TRANK1: variants seen among roughly 807,000 people sequenced by gnomAD.
The protein encoded by TRANK1 is TPR and ankyrin repeat-containing protein 1.
In TRANK1, 198 loss-of-function variants were observed where a neutral mutation model predicts 266.0. That is an observed-to-expected ratio of 0.74 (90% CI 0.66 to 0.84). TRANK1 has a LOEUF of 0.84. Among genes scored for constraint, TRANK1 ranks in the 40% least tolerant of loss-of-function variants. TRANK1 has a pLI of 0.00. For synonymous variants in TRANK1, 1,396 were observed against 1,384.1 expected, an observed-to-expected ratio of 1.01 and a Z score of -0.19; for missense variants, 3,326 against 3,634.6, an observed-to-expected ratio of 0.92 and a Z score of 2.18.
At chr3:36,858,945 G>C in intron 11 of TRANK1, 51 bp from the exon 12 acceptor site, 1 of 1,457,556 alleles carries the variant, frequency 6.9e-7, no homozygotes, top group Non-Finnish European at 9.1e-7. Flanking sequence ...AGCCTGGCTC[G>C]CCTGACGAGA....
rs553671122 is a variant in TRANK1, at chr3:36,913,186, C to T, written c.24-4732G>A. 5.4e-4 allele frequency among the ~76,000 whole-genome samples: 82 copies of T among 152,098 alleles called. 1 individual carries two copies. Among genetic ancestry groups the T allele is most frequent in the African/African-American group, 1.9e-3 (78 of 41,514 alleles). On this transcript the variant is annotated intron_variant, in intron 1 of 23. Transcript: ENST00000645898. ...CTTCCTGAGTAGCTGGGATTACAGG[C>T]GTGCGCCCTGTAATCCCACCATGCC... is the stretch of plus-strand genomic sequence containing the variant.
At position 36,857,195 on chromosome 3, in the gene TRANK1, G is replaced by A. The variant is rs1453488310; in HGVS notation, c.2527C>T (p.Leu843=). ...ATTACCTTACTAGACAGCTTCTTCAGCATTTCTGAAGTGCACTCGATCTCC... is the reference window on the plus strand; with the variant it reads ...ATTACCTTACTAGACAGCTTCTTCAACATTTCTGAAGTGCACTCGATCTCC... ...TWEIECTSEM[L]KKLSSKVMTK... is the part of the protein sequence containing the mutation. Residue 843 remains leucine (L), a synonymous_variant, in exon 13 of 24, where the codon CTG becomes TTG. Transcript: ENST00000645898. This position sits in a 1 kb window ranked among gnomAD's most constrained non-coding sequence, Gnocchi z 4.3. 6.2e-7 allele frequency: 1 copy of A among 1,613,866 alleles called. No homozygotes were observed. Among genetic ancestry groups the A allele is most frequent in the Admixed American group, 1.7e-5 (1 of 60,028 alleles).
At position 36,832,890 on chromosome 3, in the gene TRANK1, G is replaced by C. The variant is rs755167140; in HGVS notation, c.6693C>G (p.Ile2231Met). ...TTTTGGCTTCCAAAAGCAACCCGTT[G>C]ATTGCCACCAAGTTCATTTTCGACT... is the stretch of plus-strand genomic sequence containing the variant. ...LVQSKMNLVA[I>M]NGLLLEAKKV... The change falls in exon 22 of 24, where the codon ATC becomes ATG. Residue 2231 changes from isoleucine to methionine, a missense_variant. Coordinates refer to ENST00000645898, the MANE Select transcript of TRANK1 (RefSeq NM_001329998.2). 1.4e-5 allele frequency: 23 copies of C among 1,613,716 alleles called. No individual in the cohort carries two copies. The highest frequency in any genetic ancestry group is 1.7e-6 in the Non-Finnish European group (2 of 1,179,818).
chr3:36,882,791 CA>C (rs1406283193), intron 8 of TRANK1, among the ~76,000 whole-genome samples: 1 of 151,872 alleles, frequency 6.6e-6, no homozygotes, highest in Non-Finnish European at 1.5e-5. Context: ...GACAAAGGAC[CA>C]AAAACCATAA....
At chr3:36,900,874 A>AAAAAAAAAAAAAAAAAAAAAAAAAAAC in intron 3 of TRANK1, among the ~76,000 whole-genome samples, 1 of 140,872 alleles carries the variant, frequency 7.1e-6, no homozygotes, top group Non-Finnish European at 1.5e-5. Context: ...AAAAAAAAAA[A>AAAAAAAAAAAAAAAAAAAAAAAAAAAC]AAGATAACAG....
intron 15 of TRANK1, chr3:36,849,970 C>T (rs1209132190): frequency 3.1e-6 from 3 of 966,756 alleles, no homozygotes; most frequent in Non-Finnish European, 3.7e-6. Flanking sequence ...GGTGGGAGCA[C>T]CGGGTCAAGA....
chr3:36,856,206 G>T lies in TRANK1; in HGVS notation c.3516C>A (p.Asp1172Glu). ...AGGAGVEPAG[D>E]GQAAEVCAPE... ...GTGCACATACTTCTGCAGCTTGGCCGTCCCCTGCTGGCTCCACACCGGCTC... is the reference window on the plus strand; with the variant it reads ...GTGCACATACTTCTGCAGCTTGGCCTTCCCCTGCTGGCTCCACACCGGCTC... Residue 1172 changes from aspartate (D) to glutamate (E), a missense_variant, in exon 13 of 24, where the codon GAC becomes GAA. Asp to Glu is a conservative substitution (Grantham distance 45). Transcript: ENST00000645898. The T allele has an allele frequency of 6.2e-7, 1 of 1,613,758 alleles. No homozygotes were observed. The highest frequency in any genetic ancestry group is 1.3e-5 in the African/African-American group (1 of 74,948).
intron 10 of TRANK1, among the ~76,000 whole-genome samples, chr3:36,862,209 G>T (rs2079151992): frequency 6.6e-6 from 1 of 152,088 alleles, no homozygotes; most frequent in African/African-American, 2.4e-5. Context: ...AGGGAATTCT[G>T]TATTTTGTCT....
At position 36,834,767 on chromosome 3, in the gene TRANK1, C is replaced by T. The variant is rs1040424656; in HGVS notation, c.5658G>A (p.Val1886=). 6.2e-7 allele frequency: 1 copy of T among 1,608,940 alleles called. No individual in the cohort carries two copies. Among genetic ancestry groups the T allele is most frequent in the Non-Finnish European group, 8.5e-7 (1 of 1,178,304 alleles). ...EELFEEAAIA[V]EKYEEMLKTK... ...GAGAGAATAAAACCACCTACTTTTC[C>T]ACTGCAATAGCAGCTTCTTCAAAAA... Residue 1886 remains valine, a synonymous_variant, in exon 21 of 24, where the codon GTG becomes GTA. Coordinates refer to ENST00000645898, the MANE Select transcript of TRANK1 (RefSeq NM_001329998.2).
intron 8 of TRANK1, among the ~76,000 whole-genome samples, chr3:36,885,843 C>T (rs1169789336): frequency 6.6e-6 from 1 of 152,120 alleles, no homozygotes; most frequent in Non-Finnish European, 1.5e-5. Flanking sequence ...CTGGCCTAAA[C>T]TTTGATTATA....
chr3:36,869,485 A>G (rs1416815122), intron 9 of TRANK1, among the ~76,000 whole-genome samples: 3 of 152,220 alleles, frequency 2.0e-5, no homozygotes, highest in Admixed American at 6.5e-5. Context: ...TGTGCTCAGG[A>G]CCATAGATGC....
Position 36,860,952 on chromosome 3 carries a change from C to T in TRANK1, c.1449G>A (p.Trp483Ter). The change falls in exon 11 of 24, where the codon TGG (tryptophan) becomes TGA (stop). Residue 483 changes from tryptophan (W) to a stop codon, truncating the protein, a stop_gained. Transcript: ENST00000645898. LOFTEE classifies it high-confidence loss of function. ...ICTIIPHLSTWDQRKKQLLGC... is the reference protein window; with the variant it reads ...ICTIIPHLST Reference sequence around the variant, plus strand: ...CCAGAAGCTGTTTCTTCCGCTGGTCCCAGGTGCTGAGATGGGGGATGATGG... The same window carrying T: ...CCAGAAGCTGTTTCTTCCGCTGGTCTCAGGTGCTGAGATGGGGGATGATGG... 6.5e-7 allele frequency: 1 copy of T among 1,537,546 alleles called. No homozygotes were observed. The highest frequency in any genetic ancestry group is 8.7e-7 in the Non-Finnish European group (1 of 1,146,976).
intron 8 of TRANK1, among the ~76,000 whole-genome samples, chr3:36,877,022 A>G (rs2079399946): frequency 6.6e-6 from 1 of 152,204 alleles, no homozygotes; most frequent in African/African-American, 2.4e-5. Flanking sequence ...ACAAAGCTGA[A>G]GATTTCTAAG....
chr3:36,834,555 C>T, intron 21 of TRANK1: 1 of 516,360 alleles, frequency 1.9e-6, no homozygotes, highest in Non-Finnish European at 3.3e-6. Flanking sequence ...CTTTGTGACA[C>T]TGCATCAAAG....
At chr3:36,916,382 G>A (rs771140954) in intron 1 of TRANK1, among the ~76,000 whole-genome samples, 1 of 152,116 alleles carries the variant, frequency 6.6e-6, no homozygotes, top group Non-Finnish European at 1.5e-5. Context: ...TGACCAACAT[G>A]GTGAAACTCC....
In TRANK1 at chr3:36,904,587, C is replaced by T. The variant is rs1013301543; in HGVS notation, c.156-1312G>A. 6.6e-5 allele frequency among the ~76,000 whole-genome samples: 10 copies of T among 152,184 alleles called. No homozygotes were observed. The East Asian group carries it at 1.5e-3, about 23-fold the overall frequency. ...TCACTGTAGAATAATACAAAAATCA[C>T]TGTAGATAATGCAGACAAGCACAAA... On this transcript the variant is annotated intron_variant, in intron 2 of 23. Coordinates refer to ENST00000645898, the MANE Select transcript of TRANK1 (RefSeq NM_001329998.2).
chr3:36,887,338 T>C (rs914509932), intron 8 of TRANK1, among the ~76,000 whole-genome samples: 4 of 152,212 alleles, frequency 2.6e-5, no homozygotes, highest in African/African-American at 9.7e-5. Context: ...AAAAATTATA[T>C]GACAAACAAA....
rs565174922 is a variant in TRANK1, at chr3:36,942,482, C to CAAAAAA, written c.23+2299_23+2304dup. 1.6e-3 allele frequency among the ~76,000 whole-genome samples: 124 copies of CAAAAAA among 79,804 alleles called. 1 individual carries two copies. The highest frequency in any genetic ancestry group is 1.9e-3 in the Non-Finnish European group (80 of 41,986). The allele number at this position is 79,804 out of a possible 152,430, so 52.4% of individuals were successfully genotyped here. Reference sequence around the variant, plus strand: ...TGCAGCATCTTCCCTTCTTCTTCCTCAAAAAAAAAAAAAAAAAAAAAAAAG... The same window carrying CAAAAAA: ...TGCAGCATCTTCCCTTCTTCTTCCTCAAAAAAAAAAAAAAAAAAAAAAAAAAAAAAG... On this transcript the variant is annotated intron_variant, in intron 1 of 23. Transcript: ENST00000645898.
intron 18 of TRANK1, among the ~76,000 whole-genome samples, chr3:36,842,300 C>A (rs2125521387): frequency 6.6e-6 from 1 of 152,322 alleles, no homozygotes; most frequent in East Asian, 1.9e-4. Flanking sequence ...ATGATGATAG[C>A]AAAGCTTTTA....
Sources: allele counts gnomAD v4.1 joint callset (sites outside exome capture counted in the v4.1 genomes callset), GRCh38; gene constraint gnomAD v4.1.1; non-coding constraint Gnocchi (gnomAD v3.1); transcripts MANE v1.5; gene names NCBI Gene and HGNC (gene_info 2026-07-23, HGNC 2026-07-21).